The following CDH11 variants were observed in gnomAD, a reference collection of about 807,000 sequenced individuals.
CDH11 encodes the protein cadherin 11.
In CDH11, 11 loss-of-function variants were observed where a neutral mutation model predicts 67.8. The ratio of observed to expected loss-of-function variants is 0.16; its 90% CI spans 0.10 to 0.27. The LOEUF is 0.27. Ranked by LOEUF, CDH11 falls within the 10% of genes least tolerant of loss-of-function variation. The pLI is 1.00. For synonymous variants in CDH11, 419 were observed against 400.0 expected, an observed-to-expected ratio of 1.05 and a Z score of -0.57; for missense variants, 847 against 1,031.2, an observed-to-expected ratio of 0.82 and a Z score of 2.45.
intron 1 of CDH11, among the ~76,000 whole-genome samples, chr16:65,069,499 T>C (rs1234537676): frequency 1.3e-5 from 2 of 152,130 alleles, no homozygotes; most frequent in South Asian, 2.1e-4. Flanking sequence ...TTTTGCAACA[T>C]AGACACCTGA....
chr16:65,050,760 G>C (rs532664681), intron 2 of CDH11, among the ~76,000 whole-genome samples: 1 of 150,796 alleles, frequency 6.6e-6, no homozygotes, highest in East Asian at 2.0e-4. Flanking sequence ...AAGCTTTGCA[G>C]AACTCTTCAA....
chr16:65,093,052 T>C (rs968646439), intron 1 of CDH11, among the ~76,000 whole-genome samples: 1 of 150,870 alleles, frequency 6.6e-6, no homozygotes, highest in African/African-American at 2.4e-5. Context: ...TTCTCCTGCC[T>C]CAGCCTCCTG....
rs1256093026 is a variant in CDH11 at position 64,998,791 on chromosome 16, T to A, written c.294A>T (p.Gly98=). The change falls in exon 4 of 13, where the codon GGA becomes GGT. Residue 98 remains glycine (G), a synonymous_variant. Coordinates refer to ENST00000268603, the MANE Select transcript of CDH11 (RefSeq NM_001797.4). ...ATTTGTCATCAATCACAAAAATGGTTCCAGCTCCTTCCCCTGAGAGAATGT... is the reference window on the plus strand; with the variant it reads ...ATTTGTCATCAATCACAAAAATGGTACCAGCTCCTTCCCCTGAGAGAATGT... The part of the protein sequence containing the change: ...IKYILSGEGA[G]TIFVIDDKSG... 6.2e-7 allele frequency: 1 copy of A among 1,614,124 alleles called. No individual in the cohort carries two copies. The highest frequency in any genetic ancestry group is 1.7e-5 in the Admixed American group (1 of 60,014).
intron 4 of CDH11, among the ~76,000 whole-genome samples, chr16:64,995,947 C>G (rs553018968): frequency 6.6e-6 from 1 of 152,176 alleles, no homozygotes; most frequent in South Asian, 2.1e-4. Context: ...TGGATGGACA[C>G]TTAGCAAAAG....
At chr16:65,099,079 A>T (rs1361031163) in intron 1 of CDH11, among the ~76,000 whole-genome samples, 2 of 152,126 alleles carry the variant, frequency 1.3e-5, no homozygotes, top group Non-Finnish European at 2.9e-5. Flanking sequence ...TAATTCACCA[A>T]TCCAATAAAA....
intron 11 of CDH11, among the ~76,000 whole-genome samples, chr16:64,953,367 TG>T (rs2071417082): frequency 6.6e-6 from 1 of 151,870 alleles, no homozygotes; most frequent in Non-Finnish European, 1.5e-5. Flanking sequence ...TTGCAGATGG[TG>T]AGGTTTTGTA....
At chr16:65,063,128 A>T (rs2074258904) in intron 1 of CDH11, among the ~76,000 whole-genome samples, 1 of 152,208 alleles carries the variant, frequency 6.6e-6, no homozygotes, top group Non-Finnish European at 1.5e-5. Context: ...CAATATTGAG[A>T]ATCTAATATT....
In CDH11 at chr16:65,056,254, C is replaced by T. The variant is rs538719557; in HGVS notation, c.-297-2326G>A. Reference sequence around the variant, plus strand: ...AGCTCCAGACAGCCAGGAGGAGAAGCTGTATGGCTGGAGAGAGAGGTGCCA... The same window carrying T: ...AGCTCCAGACAGCCAGGAGGAGAAGTTGTATGGCTGGAGAGAGAGGTGCCA... On this transcript the variant is annotated intron_variant, in intron 1 of 12. Transcript: ENST00000268603. Among the ~76,000 whole-genome samples the T allele has an allele frequency of 2.0e-4, 30 of 152,284 alleles. No homozygotes were observed. In the South Asian group the frequency reaches 6.2e-3, roughly 32 times the overall value.
At chr16:65,093,429 C>G (rs1165604282) in intron 1 of CDH11, among the ~76,000 whole-genome samples, 3 of 152,014 alleles carry the variant, frequency 2.0e-5, no homozygotes, top group Non-Finnish European at 4.4e-5. Context: ...ACTCAAGGCT[C>G]TCAGTGGCTC....
At chr16:65,066,984 C>T (rs2074322909) in intron 1 of CDH11, among the ~76,000 whole-genome samples, 1 of 152,178 alleles carries the variant, frequency 6.6e-6, no homozygotes, top group Non-Finnish European at 1.5e-5. Context: ...CTGTTCTTGG[C>T]AAACAGTGGT....
At chr16:65,031,603 T>C (rs2073645410) in intron 2 of CDH11, among the ~76,000 whole-genome samples, 1 of 152,168 alleles carries the variant, frequency 6.6e-6, no homozygotes, top group South Asian at 2.1e-4. Context: ...TGAAATAAGA[T>C]CCTATGTTCA....
At chr16:65,087,566 T>C (rs995638958) in intron 1 of CDH11, among the ~76,000 whole-genome samples, 2 of 152,140 alleles carry the variant, frequency 1.3e-5, no homozygotes, top group Non-Finnish European at 2.9e-5. Flanking sequence ...ACCCTACTGT[T>C]GGATAAATGT....
chr16:64,956,022 G>C (rs1033349437), intron 11 of CDH11, among the ~76,000 whole-genome samples: 3 of 152,208 alleles, frequency 2.0e-5, no homozygotes, highest in East Asian at 1.9e-4. Context: ...ATTGGCTCCA[G>C]GTTACTAAGA....
chr16:64,981,908 T>C (rs1028704269), intron 8 of CDH11, 140 bp downstream of exon 8: 4 of 718,006 alleles, frequency 5.6e-6, no homozygotes, highest in African/African-American at 1.8e-5. Flanking sequence ...CTTCTAAATC[T>C]TAATCTTGTT....
intron 2 of CDH11, among the ~76,000 whole-genome samples, chr16:65,023,828 C>A (rs563459659): frequency 1.2e-4 from 18 of 152,174 alleles, no homozygotes; most frequent in Non-Finnish European, 2.1e-4. Context: ...GCTTTCATTG[C>A]CGTCTTGGTT....
At chr16:64,978,005 A>C (rs2142445225) in intron 8 of CDH11, among the ~76,000 whole-genome samples, 1 of 152,278 alleles carries the variant, frequency 6.6e-6, no homozygotes. Flanking sequence ...AAATGGACAA[A>C]TTCCATTGTC....
At chr16:65,010,080 GT>G (rs1399870648) in intron 2 of CDH11, among the ~76,000 whole-genome samples, 1 of 152,188 alleles carries the variant, frequency 6.6e-6, no homozygotes, top group Non-Finnish European at 1.5e-5. Context: ...TTTTTCAGCT[GT>G]CCCCTCCCCA....
At chr16:65,102,413 T>A in intron 1 of CDH11, among the ~76,000 whole-genome samples, 1 of 152,218 alleles carries the variant, frequency 6.6e-6, no homozygotes, top group East Asian at 1.9e-4. Flanking sequence ...AAAAGTCACT[T>A]ACCTCCCTCT....
intron 2 of CDH11, among the ~76,000 whole-genome samples, chr16:65,050,677 A>T (rs888877842): frequency 6.6e-6 from 1 of 151,906 alleles, no homozygotes; most frequent in Non-Finnish European, 1.5e-5. Context: ...CTGCTGTTTT[A>T]TGTTTTGTTT....
Sources: gnomAD v4.1 joint callset for allele counts (sites outside exome capture counted in the v4.1 genomes callset) on GRCh38, gnomAD v4.1.1 for gene constraint, MANE v1.5 for transcripts, NCBI Gene and HGNC (gene_info 2026-07-23, HGNC 2026-07-21) for gene names.